The following GSE1 variants were observed in gnomAD, a reference collection of about 807,000 sequenced individuals.
GSE1 encodes the protein Gse1 coiled-coil protein.
A neutral mutation model predicts 112.6 loss-of-function variants in GSE1; 32 were observed. That is an observed-to-expected ratio of 0.28 (90% confidence interval 0.21 to 0.38). GSE1 has a LOEUF of 0.38. GSE1 is among the 10% of genes least tolerant of loss of function. The pLI is 1.00. For synonymous variants in GSE1, 1,115 were observed against 735.6 expected, an observed-to-expected ratio of 1.52 and a Z score of -8.35; for missense variants, 2,348 against 1,699.2, an observed-to-expected ratio of 1.38 and a Z score of -6.71.
chr16:85,375,751 C>T (rs1478787141), intron 2 of GSE1, among the ~76,000 whole-genome samples: 1 of 152,198 alleles, frequency 6.6e-6, no homozygotes, highest in South Asian at 2.1e-4. Flanking sequence ...CCTGTCTCTC[C>T]CGGGGGCAGC....
chr16:85,661,224 C>A lies in GSE1; in HGVS notation c.1719C>A (p.Pro573=), dbSNP rs773716009. 2 of 1,609,968 alleles carry A rather than the reference C, an allele frequency of 1.2e-6. No individual in the cohort carries two copies. Among genetic ancestry groups the A allele is most frequent in the East Asian group, 4.5e-5 (2 of 44,788 alleles). ...GGGGGCCACCACCTCTGATTTCGCC[C>A]AAGCCCCAGCTCCATGCTGCACCCA... The part of the protein sequence containing the change: ...HFGGPPPLIS[P]KPQLHAAPTA... Residue 573 remains proline, a synonymous_variant, in exon 9 of 16, where the codon CCC becomes CCA. Coordinates refer to ENST00000253458, the MANE Select transcript of GSE1 (RefSeq NM_014615.5).
rs536308626 is a variant in GSE1, at chr16:85,425,470, C to T, written c.2464+67827C>T. Among the ~76,000 whole-genome samples the T allele has an allele frequency of 9.9e-5, 15 of 152,206 alleles. No individual in the cohort carries two copies. The East Asian group carries it at 1.5e-3, about 16-fold the overall frequency. On this transcript the variant is annotated intron_variant, in intron 2 of 2. Coordinates refer to the GSE1 transcript ENST00000637419. ...GAGTGTCAGGGGAAGGGAAGTCGCCCGTGATGCTCATGAGACAAAACCCAT... is the reference window on the plus strand; with the variant it reads ...GAGTGTCAGGGGAAGGGAAGTCGCCTGTGATGCTCATGAGACAAAACCCAT...
At chr16:85,187,542 A>G (rs932981757) in intron 1 of GSE1, among the ~76,000 whole-genome samples, 2 of 152,254 alleles carry the variant, frequency 1.3e-5, no homozygotes, top group Non-Finnish European at 2.9e-5. Flanking sequence ...AGCTGAGGCC[A>G]GCGCGAGTAC....
intron 1 of GSE1, among the ~76,000 whole-genome samples, chr16:85,626,957 A>G (rs1407578835): frequency 1.3e-5 from 2 of 149,216 alleles, no homozygotes; most frequent in Admixed American, 1.3e-4. Flanking sequence ...AAGAACTAAG[A>G]ACGAGATGGG....
chr16:85,638,168 G>A (rs936451318), intron 2 of GSE1, among the ~76,000 whole-genome samples: 22 of 152,338 alleles, frequency 1.4e-4, no homozygotes, highest in African/African-American at 5.3e-4. Flanking sequence ...TTGCCTCCGC[G>A]TCTCTCCTCT....
At chr16:85,629,316 C>T (rs1048090911) in intron 1 of GSE1, among the ~76,000 whole-genome samples, 37 of 152,320 alleles carry the variant, frequency 2.4e-4, no homozygotes, top group African/African-American at 7.7e-4. Context: ...CACATCTGCC[C>T]GGGTGGCCAG....
chr16:85,456,363 C>A (rs2049824923), intron 2 of GSE1, among the ~76,000 whole-genome samples: 1 of 152,148 alleles, frequency 6.6e-6, no homozygotes, highest in Non-Finnish European at 1.5e-5. Context: ...AGGTGGGACC[C>A]TTTGAGCTTG....
intron 1 of GSE1, among the ~76,000 whole-genome samples, chr16:85,212,517 A>G (rs1005555861): frequency 6.6e-6 from 1 of 152,194 alleles, no homozygotes; most frequent in Non-Finnish European, 1.5e-5. Context: ...CAGATATTGC[A>G]TAGAGGATGA....
chr16:85,525,341 CG>C (rs142768005), intron 2 of GSE1, among the ~76,000 whole-genome samples: 5,789 of 152,054 alleles, frequency 0.038, 148 homozygotes, highest in Middle Eastern at 0.11. Context: ...GGGCCCAGTG[CG>C]GCTGGCTCAG....
intron 1 of GSE1, among the ~76,000 whole-genome samples, chr16:85,189,474 G>A (rs527964711): frequency 3.9e-5 from 6 of 152,166 alleles, no homozygotes; most frequent in Non-Finnish European, 1.5e-5. Flanking sequence ...ATCACAGCTG[G>A]CAAGATCAAA....
chr16:85,478,941 CTTTCTTTTT>C (rs2050582676), intron 2 of GSE1, among the ~76,000 whole-genome samples: 1 of 104,294 alleles, frequency 9.6e-6, no homozygotes, highest in Admixed American at 1.1e-4. Context: ...TTCTTTCTTT[CTTTCTTTTT>C]TTTTCTTTCT....
intron 1 of GSE1, among the ~76,000 whole-genome samples, chr16:85,173,270 CTCAG>C (rs2074394377): frequency 1.3e-5 from 2 of 152,210 alleles, no homozygotes; most frequent in South Asian, 4.1e-4. Context: ...TCAGACAACA[CTCAG>C]TCAGTAGGTA....
chr16:85,585,739 C>G (rs567612675), intron 1 of GSE1, among the ~76,000 whole-genome samples: 122 of 152,318 alleles, frequency 8.0e-4, no homozygotes, highest in African/African-American at 2.9e-3. Context: ...ATAGAGCTGA[C>G]GGCGATGACA....
In GSE1 at chr16:85,360,479, A is replaced by T. The variant is rs117934442; in HGVS notation, c.2464+2836A>T. Among the ~76,000 whole-genome samples, 30 of 152,326 alleles carry T rather than the reference A, an allele frequency of 2.0e-4. No homozygotes were observed. In the East Asian group the frequency reaches 5.4e-3, roughly 27 times the overall value. ...CCTCAGCCAGAGACCCACCAGGAGC[A>T]TGTCCCGCAGTCAGGCCCCGCCTGG... On this transcript the variant is annotated intron_variant, in intron 2 of 2. Transcript: ENST00000637419.
intron 2 of GSE1, among the ~76,000 whole-genome samples, chr16:85,364,300 T>G (rs773412768): frequency 2.0e-5 from 3 of 152,184 alleles, no homozygotes; most frequent in Non-Finnish European, 2.9e-5. Context: ...CCCCCTCTCC[T>G]ACTTAGAAGG....
At chr16:85,303,244 C>T (rs1014901812) in intron 1 of GSE1, among the ~76,000 whole-genome samples, 3 of 152,214 alleles carry the variant, frequency 2.0e-5, no homozygotes, top group Non-Finnish European at 4.4e-5. Flanking sequence ...CCCTGCTTGC[C>T]GCGGTCACTC....
intron 2 of GSE1, among the ~76,000 whole-genome samples, chr16:85,447,250 G>A (rs562502167): frequency 1.3e-5 from 2 of 152,254 alleles, no homozygotes; most frequent in Admixed American, 6.5e-5. Flanking sequence ...CCCTGTTTCC[G>A]CACAAGGATT....
At chr16:85,655,615 C>T (rs539854996) in intron 5 of GSE1, 111 bp from the exon 6 acceptor site, 42 of 664,578 alleles carry the variant, frequency 6.3e-5, no homozygotes, top group Admixed American at 1.1e-4. Flanking sequence ...CATTTTGTCA[C>T]GTTCCCCACG....
At chr16:85,641,589 G>C (rs1028418249) in intron 2 of GSE1, among the ~76,000 whole-genome samples, 2 of 152,286 alleles carry the variant, frequency 1.3e-5, no homozygotes, top group Non-Finnish European at 2.9e-5. Flanking sequence ...GCCTTGCGCT[G>C]TGGTGTGCCT....
Sources: gnomAD v4.1 joint callset for allele counts (sites outside exome capture counted in the v4.1 genomes callset) on GRCh38, gnomAD v4.1.1 for gene constraint, MANE v1.5 for transcripts, NCBI Gene and HGNC (gene_info 2026-07-23, HGNC 2026-07-21) for gene names.